The following EIF3L variants were observed in gnomAD, a reference collection of about 807,000 sequenced individuals.
EIF3L encodes eIEF associated protein HSPC021.
A neutral mutation model predicts 74.6 loss-of-function variants in EIF3L; 32 were observed. The ratio of observed to expected loss-of-function variants is 0.43; its 90% confidence interval spans 0.32 to 0.58. The LOEUF is 0.58. Ranked by LOEUF, EIF3L falls within the 20% of genes least tolerant of loss-of-function variation. EIF3L has a pLI of 0.06. For missense variants in EIF3L, 474 were observed against 707.8 expected (o/e 0.67, Z 3.75); for synonymous variants, 256 against 254.4 (o/e 1.01, Z -0.06).
At chr22:37,875,166 C>T (rs919778402) in intron 9 of EIF3L, among the ~76,000 whole-genome samples, 4 of 149,484 alleles carry the variant, frequency 2.7e-5, no homozygotes, top group African/African-American at 9.8e-5. Flanking sequence ...GTCAGGAGTT[C>T]GAGACCAGCC....
intron 8 of EIF3L, among the ~76,000 whole-genome samples, chr22:37,872,779 T>G (rs539586148): frequency 9.2e-5 from 14 of 151,542 alleles, no homozygotes; most frequent in African/African-American, 3.1e-4. Flanking sequence ...CCACCATACC[T>G]GGCTGATTTT....
At chr22:37,868,271 G>A (rs1179742446) in intron 7 of EIF3L, among the ~76,000 whole-genome samples, 1 of 148,880 alleles carries the variant, frequency 6.7e-6, no homozygotes, top group Non-Finnish European at 1.5e-5. Flanking sequence ...GCACCACCAC[G>A]CCCTGCTAAT....
At chr22:37,849,889 A>C in intron 1 of EIF3L, 126 bp from the exon 2 acceptor site, 1 of 1,017,034 alleles carries the variant, frequency 9.8e-7, no homozygotes, top group East Asian at 2.4e-5. Flanking sequence ...TGAGTTCCTC[A>C]AAGGCAGGCA....
intron 8 of EIF3L, 95 bp from the exon 9 acceptor site, chr22:37,874,274 GC>G (rs1479886490): frequency 1.6e-6 from 2 of 1,282,652 alleles, no homozygotes; most frequent in Non-Finnish European, 2.1e-6. Flanking sequence ...TTCAAGGCTG[GC>G]AGTAGGTGAG....
intron 10 of EIF3L, 104 bp from the exon 11 acceptor site, chr22:37,877,570 G>T (rs887492414): frequency 2.2e-6 from 3 of 1,373,964 alleles, no homozygotes; most frequent in Non-Finnish European, 3.0e-6. Context: ...GAAACAACTG[G>T]GTAAGTCAAA....
At chr22:37,876,182 T>C in intron 10 of EIF3L, 171 bp downstream of exon 10, 1 of 654,350 alleles carries the variant, frequency 1.5e-6, no homozygotes, top group Non-Finnish European at 2.5e-6. Flanking sequence ...CCAGCTGGAG[T>C]GCAGTGACGC....
intron 3 of EIF3L, among the ~76,000 whole-genome samples, chr22:37,852,097 C>A (rs1194484936): frequency 6.6e-6 from 1 of 152,214 alleles, no homozygotes; most frequent in African/African-American, 2.4e-5. Context: ...AGCCACCATG[C>A]CCGGCCTGTT....
intron 1 of EIF3L, 185 bp from the exon 2 acceptor site, chr22:37,849,830 A>G (rs1925072509): frequency 1.4e-5 from 9 of 654,384 alleles, no homozygotes; most frequent in South Asian, 1.1e-4. Context: ...TTGCACCCGT[A>G]ATGTTGTATT....
chr22:37,850,558 T>TG (rs2146005981), intron 2 of EIF3L: 1 of 202,270 alleles, frequency 4.9e-6, no homozygotes, highest in Non-Finnish European at 1.1e-5. Context: ...AGGCTGGTCT[T>TG]GAACTCCTGA....
intron 4 of EIF3L, among the ~76,000 whole-genome samples, chr22:37,857,369 CAAAAAAA>C (rs375301957): frequency 1.7e-3 from 99 of 58,264 alleles, no homozygotes; most frequent in African/African-American, 6.4e-3. Context: ...GACTGCGTCC[CAAAAAAA>C]AAAAAAAAAA....
At chr22:37,863,982 G>A (rs1157591617) in intron 7 of EIF3L, among the ~76,000 whole-genome samples, 2 of 151,888 alleles carry the variant, frequency 1.3e-5, no homozygotes, top group African/African-American at 2.4e-5. Context: ...GGAGAATGGC[G>A]TGAACCTAGG....
At chr22:37,878,663 A>G (rs1926886872) in intron 11 of EIF3L, 1 of 155,460 alleles carries the variant, frequency 6.4e-6, no homozygotes. Flanking sequence ...GGGTTTCTCC[A>G]TGTTGGTCAG....
chr22:37,855,757 G>C, intron 4 of EIF3L, 113 bp downstream of exon 4: 1 of 884,368 alleles, frequency 1.1e-6, no homozygotes, highest in Non-Finnish European at 1.8e-6. Flanking sequence ...TGTTTCCTTG[G>C]TGCTTGGTAT....
rs1450018685 is a variant in EIF3L at position 37,878,233 on chromosome 22, T to C, written c.1575+62T>C. On this transcript the variant is annotated intron_variant, in intron 11 of 12. Transcript: ENST00000652021. ...GTGTTCAGTATCTTTCATTCACTAT[T>C]GTGGGCACATGAAGTATATCGGGGA... The C allele has an allele frequency of 5.9e-6, 9 of 1,516,112 alleles. No individual in the cohort carries two copies. In the East Asian group the frequency reaches 1.6e-4, roughly 27 times the overall value. 93.9% of individuals were successfully genotyped at this position (1,516,112 alleles called of 1,614,324 possible).
intron 3 of EIF3L, among the ~76,000 whole-genome samples, chr22:37,854,655 C>CG: frequency 6.6e-6 from 1 of 152,166 alleles, no homozygotes; most frequent in East Asian, 1.9e-4. Flanking sequence ...TTAGTGGAGA[C>CG]GGGGTTTCAC....
At chr22:37,863,179 C>T in intron 6 of EIF3L, 93 bp from the exon 7 acceptor site, 1 of 1,229,946 alleles carries the variant, frequency 8.1e-7, no homozygotes, top group South Asian at 1.4e-5. Flanking sequence ...GATTCATGGT[C>T]CTTTTAAGAG....
At chr22:37,870,492 C>G in intron 8 of EIF3L, 145 bp downstream of exon 8, 1 of 751,142 alleles carries the variant, frequency 1.3e-6, no homozygotes, top group South Asian at 2.1e-5. Flanking sequence ...TGCTTGAGTA[C>G]AAACAGTAGC....
chr22:37,887,130 T>C (rs1347990045), intron 12 of EIF3L: 4 of 283,716 alleles, frequency 1.4e-5, no homozygotes, highest in Non-Finnish European at 2.8e-5. Flanking sequence ...GGTTTCACCA[T>C]GTTGGCCAGG....
chr22:37,876,023 T>C lies in EIF3L; in HGVS notation c.1077+12T>C. 1 of 1,607,290 alleles carries C rather than the reference T, an allele frequency of 6.2e-7. No individual in the cohort carries two copies. Among genetic ancestry groups the C allele is most frequent in the South Asian group, 1.1e-5 (1 of 90,824 alleles). On this transcript the variant is annotated intron_variant, in intron 10 of 12. Coordinates refer to ENST00000652021, the MANE Select transcript of EIF3L (RefSeq NM_016091.4). ...ACAAGTATGAGATGGTAAGGGGGAC[T>C]CTGCCTGCCACCAGTGGCCTTTCTA...
Sources: gnomAD v4.1 joint callset for allele counts (sites outside exome capture counted in the v4.1 genomes callset) on GRCh38, gnomAD v4.1.1 for gene constraint, MANE v1.5 for transcripts, NCBI Gene and HGNC (gene_info 2026-07-23, HGNC 2026-07-21) for gene names.